The following NAALADL2 variants were observed in gnomAD, a reference collection of about 807,000 sequenced individuals.
NAALADL2 encodes the protein N-acetylated alpha-linked acidic dipeptidase like 2.
A neutral mutation model predicts 87.2 loss-of-function variants in NAALADL2; 76 were observed. The ratio of observed to expected loss-of-function variants is 0.87; its 90% CI spans 0.72 to 1.05. The LOEUF is 1.05. NAALADL2 is among the 50% of genes least tolerant of loss of function. NAALADL2 has a pLI of 0.00. For missense variants in NAALADL2, 1,089 were observed against 945.8 expected, an observed-to-expected ratio of 1.15 and a Z score of -1.99; for synonymous variants, 354 against 331.0, an observed-to-expected ratio of 1.07 and a Z score of -0.75.
At chr3:175,057,541 A>G (rs575614602) in intron 1 of NAALADL2, among the ~76,000 whole-genome samples, 1 of 152,304 alleles carries the variant, frequency 6.6e-6, no homozygotes, top group South Asian at 2.1e-4. Flanking sequence ...ACAGTTTATA[A>G]GCCCTGCACC....
At chr3:174,472,234 G>A (rs4894675) in intron 1 of NAALADL2, among the ~76,000 whole-genome samples, 63,827 of 151,986 alleles carry the variant, frequency 0.42, 14,462 homozygotes, top group East Asian at 0.88. Flanking sequence ...TTGGCTCTTA[G>A]CTATGTTTAC....
chr3:175,003,915 G>A (rs1212822379), intron 1 of NAALADL2, among the ~76,000 whole-genome samples: 4 of 152,122 alleles, frequency 2.6e-5, no homozygotes, highest in Non-Finnish European at 4.4e-5. Flanking sequence ...AAGAGACTTC[G>A]AAGACAGAAA....
At chr3:174,619,462 A>G (rs1441269785) in intron 2 of NAALADL2, among the ~76,000 whole-genome samples, 1 of 151,930 alleles carries the variant, frequency 6.6e-6, no homozygotes, top group Admixed American at 6.6e-5. Flanking sequence ...AAGCCCTGAA[A>G]ATGGGAACTG....
chr3:174,505,445 A>G (rs905999710), intron 1 of NAALADL2, among the ~76,000 whole-genome samples: 12 of 152,230 alleles, frequency 7.9e-5, no homozygotes, highest in Admixed American at 7.8e-4. Context: ...AGAAAATGCC[A>G]GAGAAGGTTT....
intron 1 of NAALADL2, among the ~76,000 whole-genome samples, chr3:174,901,795 G>A (rs1035793352): frequency 2.6e-5 from 4 of 152,146 alleles, no homozygotes; most frequent in South Asian, 2.1e-4. Context: ...CAATGATCAT[G>A]AGCACTAATT....
intron 3 of NAALADL2, among the ~76,000 whole-genome samples, chr3:174,838,044 A>G (rs993833061): frequency 6.6e-6 from 1 of 151,254 alleles, no homozygotes; most frequent in East Asian, 1.9e-4. Context: ...AAAGAAAAAA[A>G]AAAAACTACA....
At chr3:174,944,702 G>C (rs1739143042) in intron 1 of NAALADL2, among the ~76,000 whole-genome samples, 1 of 152,190 alleles carries the variant, frequency 6.6e-6, no homozygotes, top group Non-Finnish European at 1.5e-5. Flanking sequence ...GCTCTGCCAA[G>C]ACTCCACATA....
intron 9 of NAALADL2, among the ~76,000 whole-genome samples, chr3:175,566,708 G>A (rs1717198119): frequency 1.3e-5 from 2 of 151,676 alleles, no homozygotes; most frequent in Admixed American, 6.6e-5. Flanking sequence ...ATGTATAAAG[G>A]CATTTATAAT....
At chr3:175,560,213 A>G (rs1716045290) in intron 9 of NAALADL2, among the ~76,000 whole-genome samples, 1 of 152,110 alleles carries the variant, frequency 6.6e-6, no homozygotes, top group Admixed American at 6.6e-5. Flanking sequence ...TTCCCAGTTT[A>G]GTGGCGTAGT....
At chr3:175,411,366 A>T (rs1713478327) in intron 5 of NAALADL2, among the ~76,000 whole-genome samples, 2 of 152,304 alleles carry the variant, frequency 1.3e-5, no homozygotes, top group Admixed American at 1.3e-4. Context: ...GGGATTAAGT[A>T]GTATGTATGT....
intron 3 of NAALADL2, among the ~76,000 whole-genome samples, chr3:174,805,381 G>GT (rs777818366): frequency 2.6e-4 from 39 of 152,060 alleles, no homozygotes; most frequent in African/African-American, 6.3e-4. Flanking sequence ...ATTTTTTTCT[G>GT]TTTTTTGTTC....
intron 1 of NAALADL2, among the ~76,000 whole-genome samples, chr3:174,895,449 G>C (rs1731394354): frequency 1.3e-5 from 2 of 152,038 alleles, no homozygotes; most frequent in Admixed American, 6.6e-5. Context: ...CAAATTACTA[G>C]ATACATGCAA....
chr3:174,817,013 G>A (rs1016140162), intron 3 of NAALADL2, among the ~76,000 whole-genome samples: 1 of 152,144 alleles, frequency 6.6e-6, no homozygotes, highest in African/African-American at 2.4e-5. Flanking sequence ...CAGTCACTGG[G>A]TGTTCTACAA....
intron 1 of NAALADL2, among the ~76,000 whole-genome samples, chr3:174,467,219 T>C (rs1716590920): frequency 6.6e-6 from 1 of 152,176 alleles, no homozygotes; most frequent in Non-Finnish European, 1.5e-5. Flanking sequence ...AACATGACAT[T>C]TTCATTTCAG....
chr3:174,723,600 A>G (rs573186729), intron 2 of NAALADL2, among the ~76,000 whole-genome samples: 21 of 151,974 alleles, frequency 1.4e-4, no homozygotes, highest in African/African-American at 5.1e-4. Flanking sequence ...CTAAAAATAC[A>G]AAACAATTAG....
chr3:175,370,026 A>G (rs1422899502), intron 5 of NAALADL2, among the ~76,000 whole-genome samples: 2 of 152,170 alleles, frequency 1.3e-5, no homozygotes, highest in Non-Finnish European at 2.9e-5. Context: ...TGAATTTAAT[A>G]TTGTCACATG....
At chr3:174,867,673 A>T (rs1035746993) in intron 1 of NAALADL2, among the ~76,000 whole-genome samples, 5 of 152,100 alleles carry the variant, frequency 3.3e-5, no homozygotes, top group South Asian at 2.1e-4. Context: ...CTAACATGAA[A>T]ATTAGTTGAG....
chr3:174,729,412 A>C (rs1198085033), intron 2 of NAALADL2, among the ~76,000 whole-genome samples: 1 of 152,056 alleles, frequency 6.6e-6, no homozygotes, highest in African/African-American at 2.4e-5. Context: ...CACTGTTAGT[A>C]AGTAGCAAGG....
At chr3:174,896,972 T>G (rs1276496056) in intron 1 of NAALADL2, among the ~76,000 whole-genome samples, 1 of 152,272 alleles carries the variant, frequency 6.6e-6, no homozygotes, top group South Asian at 2.1e-4. Context: ...GATATCCATA[T>G]GCAAACAAAT....
Sources: allele counts gnomAD v4.1 joint callset (sites outside exome capture counted in the v4.1 genomes callset), GRCh38; gene constraint gnomAD v4.1.1; transcripts MANE v1.5; gene names NCBI Gene and HGNC (gene_info 2026-07-23, HGNC 2026-07-21).